GGTA1: variants seen among roughly 807,000 people sequenced by gnomAD.
GGTA1 encodes the protein inactive N-acetyllactosaminide alpha-1,3-galactosyltransferase.
A neutral mutation model predicts 2.6 loss-of-function variants in GGTA1; 5 were observed. The observed-to-expected ratio is 1.92, with a 90% CI of 1.00 to 4.04. The LOEUF is 4.04. GGTA1 is among the 30% of genes most tolerant of loss of function. The pLI, the probability that GGTA1 is intolerant of heterozygous loss-of-function variation, is 0.00. For missense variants in GGTA1, 50 were observed against 16.7 expected (o/e 2.99, Z -3.47); for synonymous variants, 17 against 5.0 (o/e 3.38, Z -3.19).
At chr9:121,499,238 C>T (rs982142778) in intron 1 of GGTA1, among the ~76,000 whole-genome samples, 1 of 152,074 alleles carries the variant, frequency 6.6e-6, no homozygotes, top group Non-Finnish European at 1.5e-5. Flanking sequence ...CTATCTTGTC[C>T]TGGGCAAGAG....
At chr9:121,462,011 C>G (rs1451117070) in intron 3 of GGTA1, among the ~76,000 whole-genome samples, 1 of 152,238 alleles carries the variant, frequency 6.6e-6, no homozygotes, top group Non-Finnish European at 1.5e-5. Context: ...TTTCCACACT[C>G]ATTCATTGTG....
intron 1 of GGTA1, among the ~76,000 whole-genome samples, chr9:121,473,100 A>C (rs1049438051): frequency 2.0e-5 from 3 of 152,018 alleles, no homozygotes; most frequent in African/African-American, 7.2e-5. Context: ...TGGGCGGATC[A>C]CTTGAGGTCA....
chr9:121,456,828 C>G (rs1490858602), intron 5 of GGTA1, among the ~76,000 whole-genome samples: 1 of 152,168 alleles, frequency 6.6e-6, no homozygotes, highest in Non-Finnish European at 1.5e-5. Flanking sequence ...TGCGCCACTG[C>G]ATCTAGCTAA....
chr9:121,487,667 G>C lies in GGTA1; in HGVS notation c.-10+11983C>G, dbSNP rs148184544. 7.3e-3 allele frequency among the ~76,000 whole-genome samples: 1,111 copies of C among 151,994 alleles called. 14 individuals are homozygous for C. Among genetic ancestry groups the C allele is most frequent in the African/African-American group, 0.026 (1,061 of 41,474 alleles). Reference sequence around the variant, plus strand: ...CCCACCCTTGAAAATGCTCCACTGAGGATCTCTGTTTGGCCGTGCTGTGCA... The same window carrying C: ...CCCACCCTTGAAAATGCTCCACTGACGATCTCTGTTTGGCCGTGCTGTGCA... On this transcript the variant is annotated intron_variant, in intron 1 of 5. Coordinates refer to ENST00000481799, the MANE Select transcript of GGTA1 (RefSeq NM_001382585.1).
At chr9:121,493,298 G>T (rs1225538911) in intron 1 of GGTA1, among the ~76,000 whole-genome samples, 2 of 151,978 alleles carry the variant, frequency 1.3e-5, no homozygotes, top group Non-Finnish European at 2.9e-5. Context: ...CTGCTACCTC[G>T]TGAACTACCT....
intron 1 of GGTA1, among the ~76,000 whole-genome samples, chr9:121,498,312 A>T (rs1829032870): frequency 6.6e-6 from 1 of 152,212 alleles, no homozygotes; most frequent in Non-Finnish European, 1.5e-5. Flanking sequence ...CACCTGTTAC[A>T]TGTAAATGAG....
chr9:121,498,615 G>T (rs910081337), intron 1 of GGTA1, among the ~76,000 whole-genome samples: 1 of 152,286 alleles, frequency 6.6e-6, no homozygotes, highest in South Asian at 2.1e-4. Flanking sequence ...GCAGGCCAGG[G>T]CTGCACCCTA....
intron 1 of GGTA1, among the ~76,000 whole-genome samples, chr9:121,491,988 G>T (rs922928925): frequency 6.6e-6 from 1 of 152,140 alleles, no homozygotes. Flanking sequence ...GACATCTCAG[G>T]TATCTAGCCC....
chr9:121,449,839 C>CAAA lies in GGTA1; in HGVS notation c.*119-2245_*119-2243dup, dbSNP rs35123086. Among the ~76,000 whole-genome samples, 194 of 94,060 alleles carry CAAA rather than the reference C, an allele frequency of 2.1e-3. 2 individuals are homozygous for CAAA. The highest frequency in any genetic ancestry group is 9.2e-3 in the Admixed American group (68 of 7,418). 61.7% of individuals were successfully genotyped at this position (94,060 alleles called of 152,430 possible). A position where few individuals can be genotyped will look rare whatever the true frequency, so the allele number is the denominator to read the frequency against. On this transcript the variant is annotated intron_variant and NMD_transcript_variant, in intron 7 of 7. Coordinates refer to the GGTA1 transcript ENST00000481534. Reference sequence around the variant, plus strand: ...TGGGTGACAGAGCAAGACTCCATCTCAAAAAAAAAAAAAAAAAAAAGAAGA... The same window carrying CAAA: ...TGGGTGACAGAGCAAGACTCCATCTCAAAAAAAAAAAAAAAAAAAAAAAGAAGA...
intron 5 of GGTA1, among the ~76,000 whole-genome samples, chr9:121,458,625 CAAAT>C (rs141109769): frequency 0.38 from 54,060 of 143,536 alleles, 10,688 homozygotes; most frequent in South Asian, 0.54. Context: ...GACCCTGTCT[CAAAT>C]AAATAAATAA....
chr9:121,464,988 C>CAAAAAAAAAAAAA (rs1325681219), intron 2 of GGTA1, among the ~76,000 whole-genome samples: 4 of 121,958 alleles, frequency 3.3e-5, no homozygotes, highest in South Asian at 2.6e-4. Flanking sequence ...CGTAAAGTGG[C>CAAAAAAAAAAAAA]AAAAAAACAA....
At chr9:121,487,597 A>G (rs1435570688) in intron 1 of GGTA1, among the ~76,000 whole-genome samples, 1 of 143,882 alleles carries the variant, frequency 7.0e-6, no homozygotes, top group African/African-American at 2.6e-5. Context: ...AAAAAAAAAA[A>G]GCTAAAGAAT....
intron 3 of GGTA1, among the ~76,000 whole-genome samples, chr9:121,461,906 A>G (rs1270701907): frequency 6.6e-6 from 1 of 152,234 alleles, no homozygotes; most frequent in East Asian, 1.9e-4. Context: ...GGTTGCCCAA[A>G]GGTTAGCAGT....
chr9:121,453,342 G>T (rs2064888004), downstream of GGTA1, among the ~76,000 whole-genome samples: 1 of 152,246 alleles, frequency 6.6e-6, no homozygotes, highest in Non-Finnish European at 1.5e-5. Context: ...CAGAGAGCTG[G>T]AATGGGACTT....
chr9:121,448,172 A>G (rs1264696738), intron 7 of GGTA1, among the ~76,000 whole-genome samples: 1 of 152,092 alleles, frequency 6.6e-6, no homozygotes, highest in East Asian at 1.9e-4. Flanking sequence ...TGCCTTCCTT[A>G]CCCCTTTGTC....
chr9:121,447,869 C>T (rs539833216), intron 7 of GGTA1, among the ~76,000 whole-genome samples: 1 of 152,318 alleles, frequency 6.6e-6, no homozygotes, highest in East Asian at 1.9e-4. Flanking sequence ...TGACTTATCT[C>T]ACTGCCAATT....
downstream of GGTA1, among the ~76,000 whole-genome samples, chr9:121,452,574 A>G (rs1374800282): frequency 6.6e-6 from 1 of 151,742 alleles, no homozygotes; most frequent in African/African-American, 2.4e-5. Flanking sequence ...GCTGGAGTGC[A>G]GTGGCAGGAT....
exon 8 of GGTA1, chr9:121,447,003 T>A (rs982431969): frequency 1.3e-5 from 2 of 152,328 alleles, no homozygotes; most frequent in African/African-American, 2.4e-5. Flanking sequence ...ATCCCAGCAG[T>A]ATTTTAGGGA....
chr9:121,493,818 A>G (rs1255508083), intron 1 of GGTA1, among the ~76,000 whole-genome samples: 1 of 137,552 alleles, frequency 7.3e-6, no homozygotes, highest in African/African-American at 2.8e-5. Context: ...GTGCAGTGGC[A>G]CAATCTTAGC....
Sources: gnomAD v4.1 joint callset for allele counts (sites outside exome capture counted in the v4.1 genomes callset) on GRCh38, gnomAD v4.1.1 for gene constraint, MANE v1.5 for transcripts, NCBI Gene and HGNC (gene_info 2026-07-23, HGNC 2026-07-21) for gene names.